Variants in SDK1 observed in about 807,000 individuals in gnomAD.
The protein encoded by SDK1 is sidekick cell adhesion molecule 1, also known as protein sidekick-1.
Under a neutral mutation model 245.5 loss-of-function variants are expected in SDK1, and 157 were observed. That is an observed-to-expected ratio of 0.64 (90% CI 0.56 to 0.73). The LOEUF (loss-of-function observed/expected upper bound fraction) is 0.73. Among genes scored for constraint, SDK1 ranks in the 30% least tolerant of loss-of-function variants. The pLI is 0.00. For missense variants in SDK1, 3,583 were observed against 3,002.3 expected (o/e 1.19, Z -4.52); for synonymous variants, 1,647 against 1,278.5 (o/e 1.29, Z -6.15).
intron 5 of SDK1, among the ~76,000 whole-genome samples, chr7:3,826,678 A>G (rs1422462257): frequency 6.6e-6 from 1 of 152,208 alleles, no homozygotes; most frequent in Admixed American, 6.5e-5. Flanking sequence ...CATCCTGTCC[A>G]CTTCTCTGAC....
At chr7:3,525,998 C>T (rs984220657) in intron 1 of SDK1, among the ~76,000 whole-genome samples, 28 of 152,114 alleles carry the variant, frequency 1.8e-4, no homozygotes, top group African/African-American at 5.1e-4. Flanking sequence ...CTTTGGGAGG[C>T]TGAGGCAGGT....
intron 1 of SDK1, among the ~76,000 whole-genome samples, chr7:3,605,926 A>T (rs1412175982): frequency 6.6e-6 from 1 of 152,058 alleles, no homozygotes; most frequent in Non-Finnish European, 1.5e-5. Context: ...TTAAGATAAA[A>T]TTTATGATTT....
At chr7:3,468,082 A>G (rs972153050) in intron 1 of SDK1, among the ~76,000 whole-genome samples, 2 of 152,174 alleles carry the variant, frequency 1.3e-5, no homozygotes, top group Admixed American at 6.6e-5. Flanking sequence ...GAAAAAATAA[A>G]GCAGAGAGAA....
chr7:3,676,076 C>T (rs1054744685), intron 4 of SDK1, among the ~76,000 whole-genome samples: 2 of 152,184 alleles, frequency 1.3e-5, no homozygotes, highest in South Asian at 2.1e-4. Flanking sequence ...AGCGATTCTT[C>T]CACCTCAGCC....
chr7:3,584,173 C>T (rs934171806), intron 1 of SDK1, among the ~76,000 whole-genome samples: 1 of 152,144 alleles, frequency 6.6e-6, no homozygotes, highest in East Asian at 1.9e-4. Context: ...TGGGAATAAA[C>T]AGGTGCTTGC....
At chr7:3,467,267 A>C (rs1781036953) in intron 1 of SDK1, among the ~76,000 whole-genome samples, 1 of 152,100 alleles carries the variant, frequency 6.6e-6, no homozygotes, top group Non-Finnish European at 1.5e-5. Context: ...AAATTTGCAC[A>C]TTGAGAAACA....
chr7:3,553,551 T>C (rs1671500906), intron 1 of SDK1, among the ~76,000 whole-genome samples: 1 of 152,222 alleles, frequency 6.6e-6, no homozygotes, highest in African/African-American at 2.4e-5. Context: ...TCTTGACCTC[T>C]GAACTAGCAA....
At chr7:3,977,891 T>C (rs1196625044) in intron 13 of SDK1, among the ~76,000 whole-genome samples, 1 of 152,234 alleles carries the variant, frequency 6.6e-6, no homozygotes, top group African/African-American at 2.4e-5. Flanking sequence ...TGAATGTGTG[T>C]CTGCCTTGGT....
chr7:3,456,773 G>C (rs1254548403), intron 1 of SDK1, among the ~76,000 whole-genome samples: 1 of 152,092 alleles, frequency 6.6e-6, no homozygotes, highest in Non-Finnish European at 1.5e-5. Flanking sequence ...GTGTGACTTT[G>C]AAGTGTCTCT....
In SDK1 at chr7:4,113,336, C is replaced by T. The variant is rs141090430; in HGVS notation, c.3482C>T (p.Pro1161Leu). ...VNIVGPSPYS[P>L]SSRVIQTLQA... is the part of the protein sequence containing the mutation. ...ATTGTTGGGCCGAGCCCCTACAGTC[C>T]GTCTTCCCGGGTCATCCAGACCCTG... The change falls in exon 24 of 45, where the codon CCG becomes CTG. Residue 1161 changes from proline to leucine, a missense_variant. By Grantham distance (98) the Pro-to-Leu change is moderately conservative. Transcript: ENST00000404826. The T allele has an allele frequency of 2.2e-5, 35 of 1,613,886 alleles. No homozygotes were observed. Among genetic ancestry groups the T allele is most frequent in the South Asian group, 8.8e-5 (8 of 91,086 alleles).
chr7:3,570,044 C>T (rs1388987937), intron 1 of SDK1, among the ~76,000 whole-genome samples: 1 of 152,194 alleles, frequency 6.6e-6, no homozygotes, highest in African/African-American at 2.4e-5. Context: ...CCAGCTCCAT[C>T]ATTTGAGAGA....
In SDK1 at chr7:3,408,093, A is replaced by G. The variant is rs373492267; in HGVS notation, c.298+106209A>G. 2.6e-5 allele frequency among the ~76,000 whole-genome samples: 4 copies of G among 151,980 alleles called. No individual in the cohort carries two copies. The South Asian group carries it at 8.3e-4, about 32-fold the overall frequency. On this transcript the variant is annotated intron_variant, in intron 1 of 44. Coordinates refer to ENST00000404826, the MANE Select transcript of SDK1 (RefSeq NM_152744.4). ...CTTGCTGTCACCCAGGCTGGAATGCAGTGGTGCGGTCTCGGCTTACTGCCA... is the reference window on the plus strand; with the variant it reads ...CTTGCTGTCACCCAGGCTGGAATGCGGTGGTGCGGTCTCGGCTTACTGCCA...
chr7:3,604,306 C>G (rs1055174785), intron 1 of SDK1, among the ~76,000 whole-genome samples: 1 of 152,204 alleles, frequency 6.6e-6, no homozygotes, highest in Non-Finnish European at 1.5e-5. Context: ...GTGAATCCAT[C>G]TGGTCCTTGT....
intron 2 of SDK1, among the ~76,000 whole-genome samples, chr7:3,634,240 A>C (rs762412333): frequency 6.6e-6 from 1 of 152,126 alleles, no homozygotes; most frequent in Middle Eastern, 3.2e-3. Flanking sequence ...TTCAGATCCT[A>C]GGTAGACTGA....
At chr7:3,772,498 A>G (rs1052919820) in intron 4 of SDK1, among the ~76,000 whole-genome samples, 2 of 152,218 alleles carry the variant, frequency 1.3e-5, no homozygotes, top group African/African-American at 4.8e-5. Context: ...CATAGAAATC[A>G]AAATGTGGGG....
At chr7:3,441,796 T>TA (rs1235785911) in intron 1 of SDK1, among the ~76,000 whole-genome samples, 1 of 152,174 alleles carries the variant, frequency 6.6e-6, no homozygotes, top group African/African-American at 2.4e-5. Context: ...CTCTCACATG[T>TA]AAAACCATTA....
intron 1 of SDK1, among the ~76,000 whole-genome samples, chr7:3,341,993 A>T (rs1284440191): frequency 2.6e-5 from 4 of 152,230 alleles, no homozygotes; most frequent in Non-Finnish European, 5.9e-5. Context: ...AAAAGAATAA[A>T]GCAGTTGGAA....
intron 5 of SDK1, among the ~76,000 whole-genome samples, chr7:3,872,759 A>C (rs1201557229): frequency 6.6e-6 from 1 of 152,078 alleles, no homozygotes; most frequent in Non-Finnish European, 1.5e-5. Context: ...GAAAACTTTC[A>C]TCATGGATGC....
At chr7:3,611,726 G>GA (rs1349803845) in intron 1 of SDK1, among the ~76,000 whole-genome samples, 2 of 151,512 alleles carry the variant, frequency 1.3e-5, no homozygotes, top group East Asian at 3.9e-4. Flanking sequence ...TTTGATTTTT[G>GA]AAAAATTATG....
Sources: gnomAD v4.1 joint callset for allele counts (sites outside exome capture counted in the v4.1 genomes callset) on GRCh38, gnomAD v4.1.1 for gene constraint, MANE v1.5 for transcripts, NCBI Gene and HGNC (gene_info 2026-07-23, HGNC 2026-07-21) for gene names.